The following TINAGL1 variants were observed in gnomAD, a reference collection of about 807,000 sequenced individuals.
TINAGL1 encodes tubulointerstitial nephritis antigen like 1.
A neutral mutation model predicts 62.0 loss-of-function variants in TINAGL1; 34 were observed. That is an observed-to-expected ratio of 0.55 (90% CI 0.42 to 0.73). The LOEUF (loss-of-function observed/expected upper bound fraction) is 0.73. TINAGL1 is among the 30% of genes least tolerant of loss of function. The probability of loss-of-function intolerance (pLI) is 0.00; values close to 1 mark genes in which losing one functional copy is unlikely to be tolerated. For missense variants in TINAGL1, 516 were observed against 653.2 expected, an observed-to-expected ratio of 0.79 and a Z score of 2.29; for synonymous variants, 221 against 249.7, an observed-to-expected ratio of 0.88 and a Z score of 1.08.
In TINAGL1 at chr1:31,585,196, C is replaced by T. The variant is rs757991012; in HGVS notation, c.903C>T (p.Asp301=). 1.0e-5 allele frequency: 16 copies of T among 1,604,664 alleles called. No homozygotes were observed. The highest frequency in any genetic ancestry group is 4.4e-5 in the South Asian group (4 of 89,922). The part of the protein sequence containing the change: ...HCYPFSGRER[D]EAGPAPPCMM... The stretch of plus-strand genomic sequence containing the variant: ...ACCCCTTCTCGGGCCGTGAACGAGA[C>T]GAGGCTGGCCCTGCGCCCCCCTGTA... The change falls in exon 8 of 12, where the codon GAC becomes GAT. Residue 301 remains aspartate, a synonymous_variant. Coordinates refer to ENST00000271064, the MANE Select transcript of TINAGL1 (RefSeq NM_022164.3). The surrounding 1 kb of genome is among the most constrained non-coding windows in gnomAD (Gnocchi z 4.3).
chr1:31,584,615 T>A lies in TINAGL1; in HGVS notation c.583-63T>A. On this transcript the variant is annotated intron_variant, in intron 5 of 11. Coordinates refer to ENST00000271064, the MANE Select transcript of TINAGL1 (RefSeq NM_022164.3). The surrounding 1 kb of genome is among the most constrained non-coding windows in gnomAD (Gnocchi z 4.0). ...GGACTTGGTGGCCCTCCAGTGCCAA[T>A]GGGCACCTGAGGGGCAGGCCAGGGC... 6.2e-7 allele frequency: 1 copy of A among 1,608,694 alleles called. No homozygotes were observed. The highest frequency in any genetic ancestry group is 8.5e-7 in the Non-Finnish European group (1 of 1,177,400).
Position 31,583,736 on chromosome 1 carries a change from G to A in TINAGL1, c.582+161G>A, listed in dbSNP as rs532309110. The A allele has an allele frequency of 4.7e-6, 3 of 642,048 alleles. No homozygotes were observed. Among genetic ancestry groups the A allele is most frequent in the Admixed American group, 2.6e-5 (1 of 37,816 alleles). 39.8% of individuals were successfully genotyped at this position (642,048 alleles called of 1,614,324 possible). A position where few individuals can be genotyped will look rare whatever the true frequency, so the allele number is the denominator to read the frequency against. On this transcript the variant is annotated intron_variant, in intron 5 of 11. Coordinates refer to ENST00000271064, the MANE Select transcript of TINAGL1 (RefSeq NM_022164.3). This position sits in a 1 kb window ranked among gnomAD's most constrained non-coding sequence, Gnocchi z 4.4. ...CCCCTTCTCTGGGCCTCTGTTCCCT[G>A]CTTCCACAGGATGTGCTGTGCTGGA...
intron 3 of TINAGL1, among the ~76,000 whole-genome samples, chr1:31,582,643 G>A (rs2148592195): frequency 6.6e-6 from 1 of 152,280 alleles, no homozygotes; most frequent in East Asian, 1.9e-4. Flanking sequence ...GGCCACAGCA[G>A]GAATCCAGGT....
chr1:31,583,465 C>A lies in TINAGL1; in HGVS notation c.472C>A (p.Gln158Lys). Residue 158 changes from glutamine to lysine, a missense_variant, in exon 5 of 12, where the codon CAG becomes AAG. By Grantham distance (53) the Gln-to-Lys change is moderately conservative (BLOSUM62 1). Transcript: ENST00000271064. This position sits in a 1 kb window ranked among gnomAD's most constrained non-coding sequence, Gnocchi z 4.4. ...KAINQGNYGW[Q>K]AGNHSAFWGM... ...CTTCCGTCCCCTCTCCTTCAGCTGG[C>A]AGGCTGGGAACCACAGCGCCTTCTG... The A allele has an allele frequency of 6.2e-7, 1 of 1,613,430 alleles. No homozygotes were observed. Among genetic ancestry groups the A allele is most frequent in the South Asian group, 1.1e-5 (1 of 90,954 alleles).
intron 3 of TINAGL1, among the ~76,000 whole-genome samples, chr1:31,579,964 A>G (rs757575254): frequency 1.1e-4 from 17 of 152,126 alleles, no homozygotes; most frequent in Non-Finnish European, 2.2e-4. Context: ...TGCGCATAAG[A>G]TATTTCCATT....
In TINAGL1 at chr1:31,587,507, G is replaced by C. The variant is rs1639431646; in HGVS notation, c.*528G>C. 1 of 152,110 alleles carries C rather than the reference G, an allele frequency of 6.6e-6. No homozygotes were observed. Among genetic ancestry groups the C allele is most frequent in the South Asian group, 2.1e-4 (1 of 4,824 alleles). The allele number at this position is 152,110 out of a possible 1,614,324, so 9.4% of individuals were successfully genotyped here. ...AATTTTTGTATTTTTTGTAAAGAGG[G>C]GGGTCTCACTGTGTTGCCCAGGCTG... On this transcript the variant is annotated 3_prime_UTR_variant, in exon 12 of 12. Coordinates refer to ENST00000271064, the MANE Select transcript of TINAGL1 (RefSeq NM_022164.3).
At position 31,585,068 on chromosome 1, in the gene TINAGL1, G is replaced by GAGGGC; in HGVS notation, c.857+34_857+38dup. 1 of 1,574,106 alleles carries GAGGGC rather than the reference G, an allele frequency of 6.4e-7. No individual in the cohort carries two copies. The highest frequency in any genetic ancestry group is 1.2e-5 in the South Asian group (1 of 86,770). On this transcript the variant is annotated intron_variant, in intron 7 of 11. Coordinates refer to ENST00000271064, the MANE Select transcript of TINAGL1 (RefSeq NM_022164.3). This position sits in a 1 kb window ranked among gnomAD's most constrained non-coding sequence, Gnocchi z 4.3. ...AGCAACAGGGGATGTGGGCAGAGAAGAGGGCAAGGAGCTCCGTGGGCATGG... is the reference window on the plus strand; with the variant it reads ...AGCAACAGGGGATGTGGGCAGAGAAGAGGGCAGGGCAAGGAGCTCCGTGGGCATGG...
Position 31,584,387 on chromosome 1 carries a change from C to A in TINAGL1, c.583-291C>A, listed in dbSNP as rs574711892. On this transcript the variant is annotated intron_variant, in intron 5 of 11. Coordinates refer to ENST00000271064, the MANE Select transcript of TINAGL1 (RefSeq NM_022164.3). This position sits in a 1 kb window ranked among gnomAD's most constrained non-coding sequence, Gnocchi z 4.0. ...GGTTGAGAATGGAAAGCTGAGGGAC[C>A]TGGCCTGGCCACTTCTCTGTGCCTG... The A allele has an allele frequency of 4.7e-6, 2 of 424,374 alleles. No homozygotes were observed. The highest frequency in any genetic ancestry group is 3.5e-5 in the Admixed American group (1 of 28,832). The allele number at this position is 424,374 out of a possible 1,614,324, so 26.3% of individuals were successfully genotyped here.
chr1:31,576,857 G>C lies in TINAGL1; in HGVS notation c.-16+262G>C, dbSNP rs1638973482. Among the ~76,000 whole-genome samples the C allele has an allele frequency of 6.6e-6, 1 of 152,164 alleles. No homozygotes were observed. Among genetic ancestry groups the C allele is most frequent in the South Asian group, 2.1e-4 (1 of 4,832 alleles). On this transcript the variant is annotated intron_variant, in intron 1 of 11. Transcript: ENST00000271064. This position sits in a 1 kb window ranked among gnomAD's most constrained non-coding sequence, Gnocchi z 5.1. ...AGAAGACCTTGGGTCCACAGGATGA[G>C]TGTTGGGTGGGAGCACCAAGAATGC...
rs1413647676 is a variant in TINAGL1 at position 31,586,605 on chromosome 1, A to G, written c.1218-105A>G. On this transcript the variant is annotated intron_variant, in intron 10 of 11. Transcript: ENST00000271064. ...TGCCTGAGCCCTAAGGGTGTACCCA[A>G]CCCTCCAAAGGCAACTGGGGGCTGG... The G allele has an allele frequency of 3.6e-6, 5 of 1,370,204 alleles. No individual in the cohort carries two copies. In the East Asian group the frequency reaches 1.2e-4, roughly 34 times the overall value. The allele number at this position is 1,370,204 out of a possible 1,614,324, so 84.9% of individuals were successfully genotyped here.
chr1:31,583,375 G>C lies in TINAGL1; in HGVS notation c.468-86G>C. On this transcript the variant is annotated intron_variant, in intron 4 of 11. Coordinates refer to ENST00000271064, the MANE Select transcript of TINAGL1 (RefSeq NM_022164.3). The surrounding 1 kb of genome is among the most constrained non-coding windows in gnomAD (Gnocchi z 4.4). ...TTGACTGTGTGTGCGCTCAGCCACTGTGCGTCTCTCCCACCCACATGCACC... is the reference window on the plus strand; with the variant it reads ...TTGACTGTGTGTGCGCTCAGCCACTCTGCGTCTCTCCCACCCACATGCACC... 1 of 1,478,058 alleles carries C rather than the reference G, an allele frequency of 6.8e-7. No homozygotes were observed. The highest frequency in any genetic ancestry group is 1.2e-5 in the South Asian group (1 of 85,784). 91.6% of individuals were successfully genotyped at this position (1,478,058 alleles called of 1,614,324 possible).
intron 3 of TINAGL1, chr1:31,580,806 C>T (rs1639224881): frequency 8.4e-7 from 1 of 1,195,928 alleles, no homozygotes; most frequent in Non-Finnish European, 1.1e-6. Flanking sequence ...TAAAGACCTA[C>T]TGCGTGACAG....
At chr1:31,582,832 C>A (rs1639282240) in intron 3 of TINAGL1, among the ~76,000 whole-genome samples, 1 of 150,514 alleles carries the variant, frequency 6.6e-6, no homozygotes. Context: ...TTGCCGTTTT[C>A]TGAGAACTGT....
At position 31,585,367 on chromosome 1, in the gene TINAGL1, C is replaced by T. The variant is rs935461915; in HGVS notation, c.1047+27C>T. ...TAAGTCAGCACTTGGGTGAGGGCGC[C>T]GAGGCAGGAGGGTTGTGAAAGCCTG... On this transcript the variant is annotated intron_variant, in intron 8 of 11. Transcript: ENST00000271064. This position sits in a 1 kb window ranked among gnomAD's most constrained non-coding sequence, Gnocchi z 4.3. 3 of 1,604,256 alleles carry T rather than the reference C, an allele frequency of 1.9e-6. No homozygotes were observed. The highest frequency in any genetic ancestry group is 2.6e-6 in the Non-Finnish European group (3 of 1,173,896).
intron 3 of TINAGL1, chr1:31,580,946 G>C (rs1157658203): frequency 1.7e-5 from 6 of 345,370 alleles, no homozygotes; most frequent in Non-Finnish European, 2.4e-5. Context: ...CAGTGTTATA[G>C]GGAAAAGAGA....
Position 31,586,188 on chromosome 1 carries a change from C to T in TINAGL1, c.1217+312C>T, listed in dbSNP as rs556468341. ...CCTGTCCCAGCTCTGCCTGACCCAC[C>T]GAGTGACCTGGGAGGTCGCTCCCCT... On this transcript the variant is annotated intron_variant, in intron 10 of 11. Coordinates refer to ENST00000271064, the MANE Select transcript of TINAGL1 (RefSeq NM_022164.3). The T allele has an allele frequency of 1.2e-4, 38 of 321,966 alleles. 1 individual carries two copies. In the South Asian group the frequency reaches 1.7e-3, roughly 15 times the overall value. The allele number at this position is 321,966 out of a possible 1,614,324, so 19.9% of individuals were successfully genotyped here.
chr1:31,580,332 G>C, intron 3 of TINAGL1: 1 of 1,279,828 alleles, frequency 7.8e-7, no homozygotes, highest in South Asian at 1.2e-5. Flanking sequence ...GCCCTGCCTG[G>C]ACCTGTGTGG....
intron 10 of TINAGL1, chr1:31,586,481 C>G (rs1005710562): frequency 9.2e-5 from 56 of 608,354 alleles, no homozygotes; most frequent in Non-Finnish European, 1.5e-4. Context: ...CACCTTGCCT[C>G]CACTTGTCCC....
rs1240022550 is a variant in TINAGL1 at position 31,586,863 on chromosome 1, G to A, written c.1288G>A (p.Ala430Thr). ...GACTGCGGCCAACTCCTGGGGCCCAGCCTGGGGCGAGAGGGGCCACTTCCG... is the reference window on the plus strand; with the variant it reads ...GACTGCGGCCAACTCCTGGGGCCCAACCTGGGGCGAGAGGGGCCACTTCCG... ...YWTAANSWGP[A>T]WGERGHFRIV... The change falls in exon 12 of 12, where the codon GCC (alanine) becomes ACC (threonine). Residue 430 changes from alanine to threonine, a missense_variant. Physicochemically the swap from Ala to Thr is moderately conservative, Grantham distance 58. Transcript: ENST00000271064. The A allele has an allele frequency of 2.6e-6, 4 of 1,550,992 alleles. No homozygotes were observed. Among genetic ancestry groups the A allele is most frequent in the Non-Finnish European group, 2.6e-6 (3 of 1,146,820 alleles).
Sources: gnomAD v4.1 joint callset for allele counts (sites outside exome capture counted in the v4.1 genomes callset) on GRCh38, gnomAD v4.1.1 for gene constraint, Gnocchi (gnomAD v3.1) non-coding constraint, MANE v1.5 for transcripts, NCBI Gene and HGNC (gene_info 2026-07-23, HGNC 2026-07-21) for gene names.